Variants in CCDC7 observed in about 807,000 individuals in gnomAD.
CCDC7 encodes the protein coiled-coil domain containing 7, also known as coiled-coil domain-containing protein 7.
Under a neutral mutation model 196.9 loss-of-function variants are expected in CCDC7, and 183 were observed. That is an observed-to-expected ratio of 0.93 (90% CI 0.82 to 1.05). The LOEUF is 1.05. Among genes scored for constraint, CCDC7 ranks in the 50% least tolerant of loss-of-function variants. The pLI, the probability that CCDC7 is intolerant of heterozygous loss-of-function variation, is 0.00. For synonymous variants in CCDC7, 525 were observed against 484.6 expected (o/e 1.08, Z -1.10); for missense variants, 1,540 against 1,482.2 (o/e 1.04, Z -0.64).
chr10:32,757,343 T>C (rs1425672944), intron 28 of CCDC7, among the ~76,000 whole-genome samples: 1 of 152,136 alleles, frequency 6.6e-6, no homozygotes, highest in African/African-American at 2.4e-5. Context: ...ACTAACCACA[T>C]AGTTGGAAGC....
At chr10:32,762,285 G>A (rs1458692981) in intron 28 of CCDC7, among the ~76,000 whole-genome samples, 1 of 151,804 alleles carries the variant, frequency 6.6e-6, no homozygotes, top group African/African-American at 2.4e-5. Flanking sequence ...GGTTTTGAAT[G>A]AGTGTGCGAG....
chr10:32,755,712 G>T (rs2076324956), intron 28 of CCDC7, among the ~76,000 whole-genome samples: 1 of 152,118 alleles, frequency 6.6e-6, no homozygotes, highest in South Asian at 2.1e-4. Context: ...CCAAAGGAAT[G>T]CAGATCCTCG....
intron 32 of CCDC7, among the ~76,000 whole-genome samples, chr10:32,828,169 C>T (rs929041070): frequency 1.3e-5 from 2 of 152,090 alleles, no homozygotes; most frequent in African/African-American, 2.4e-5. Context: ...AACCTGGAAG[C>T]CCAAGCCCCT....
intron 8 of CCDC7, among the ~76,000 whole-genome samples, chr10:32,481,290 C>T (rs920454424): frequency 1.3e-5 from 2 of 152,194 alleles, no homozygotes; most frequent in African/African-American, 4.8e-5. Flanking sequence ...ATAATTTGAT[C>T]CATTTACTCT....
At chr10:32,582,985 T>TA (rs1411230175) in intron 16 of CCDC7, 49 bp from the exon 18 acceptor site, 2 of 1,124,304 alleles carry the variant, frequency 1.8e-6, no homozygotes. Flanking sequence ...CAGTTGCAAA[T>TA]AAAATGGTCT....
upstream of CCDC7, among the ~76,000 whole-genome samples, chr10:32,445,427 C>T (rs79129938): frequency 5.8e-3 from 876 of 152,254 alleles, 14 homozygotes; most frequent in African/African-American, 0.02. Flanking sequence ...AATCTAAGGT[C>T]TCCTTTAAAC....
Position 32,761,883 on chromosome 10 carries a change from G to A in CCDC7, c.2906-17094G>A, listed in dbSNP as rs1014158070. ...TTTGGAAGCAGAATTTGTAGAGACTGATGTCAGCAACATGGTGGAATAGGA... is the reference window on the plus strand; with the variant it reads ...TTTGGAAGCAGAATTTGTAGAGACTAATGTCAGCAACATGGTGGAATAGGA... On this transcript the variant is annotated intron_variant, in intron 28 of 41. Transcript: ENST00000639629. Among the ~76,000 whole-genome samples, 5 of 151,954 alleles carry A rather than the reference G, an allele frequency of 3.3e-5. No homozygotes were observed. In the East Asian group the frequency reaches 9.6e-4, roughly 29 times the overall value.
intron 28 of CCDC7, among the ~76,000 whole-genome samples, chr10:32,744,827 T>A (rs1033721846): frequency 1.3e-5 from 2 of 152,222 alleles, no homozygotes; most frequent in Admixed American, 6.5e-5. Context: ...TTTAATTAAG[T>A]CCAGCTTATC....
At chr10:32,543,794 G>A (rs893952790) in intron 12 of CCDC7, among the ~76,000 whole-genome samples, 1 of 151,820 alleles carries the variant, frequency 6.6e-6, no homozygotes, top group African/African-American at 2.4e-5. Context: ...TTTTGTGTAT[G>A]TGTATTATTA....
intron 24 of CCDC7, among the ~76,000 whole-genome samples, chr10:32,702,300 G>A (rs1591774316): frequency 6.6e-6 from 1 of 152,106 alleles, no homozygotes; most frequent in Non-Finnish European, 1.5e-5. Context: ...TCAGGAGTGG[G>A]TTGTTCAGTT....
chr10:32,811,248 A>G (rs887206199), intron 30 of CCDC7, among the ~76,000 whole-genome samples: 1 of 152,068 alleles, frequency 6.6e-6, no homozygotes, highest in Non-Finnish European at 1.5e-5. Context: ...AAATTAATAA[A>G]CCACTAGGTA....
chr10:32,764,354 CAG>C (rs2077933815), intron 28 of CCDC7, among the ~76,000 whole-genome samples: 1 of 151,638 alleles, frequency 6.6e-6, no homozygotes, highest in South Asian at 2.1e-4. Context: ...AGACAGAAAT[CAG>C]GGGAATATGT....
At chr10:32,547,167 A>AC (rs1456825457) in intron 13 of CCDC7, among the ~76,000 whole-genome samples, 1 of 151,934 alleles carries the variant, frequency 6.6e-6, no homozygotes, top group Non-Finnish European at 1.5e-5. Context: ...ACAGGCATGC[A>AC]CCATCACACC....
chr10:32,708,343 T>C (rs1487414111), intron 24 of CCDC7, among the ~76,000 whole-genome samples: 2 of 152,178 alleles, frequency 1.3e-5, no homozygotes, highest in African/African-American at 2.4e-5. Context: ...AAGACTTAAA[T>C]GTTAGACCTA....
chr10:32,666,746 G>A (rs2072843605), intron 21 of CCDC7, among the ~76,000 whole-genome samples: 2 of 152,064 alleles, frequency 1.3e-5, no homozygotes, highest in Admixed American at 6.5e-5. Context: ...TGGTGTATAT[G>A]TGCCACATTT....
At chr10:32,825,291 G>C (rs926435150) in intron 32 of CCDC7, among the ~76,000 whole-genome samples, 9 of 152,206 alleles carry the variant, frequency 5.9e-5, no homozygotes, top group East Asian at 1.9e-4. Context: ...GTGTCTGTGA[G>C]AGTGTTGCCA....
intron 31 of CCDC7, among the ~76,000 whole-genome samples, chr10:32,821,573 C>A (rs1276275594): frequency 6.6e-6 from 1 of 152,128 alleles, no homozygotes; most frequent in Non-Finnish European, 1.5e-5. Flanking sequence ...AAATGTCCAA[C>A]AATGATAGAC....
chr10:32,459,042 T>A (rs2035008267), intron 3 of CCDC7, among the ~76,000 whole-genome samples: 1 of 152,198 alleles, frequency 6.6e-6, no homozygotes, highest in African/African-American at 2.4e-5. Context: ...ATCTTATATA[T>A]TATTTTGTAG....
At chr10:32,709,197 C>A (rs143603478) in intron 24 of CCDC7, among the ~76,000 whole-genome samples, 2,658 of 151,750 alleles carry the variant, frequency 0.018, 84 homozygotes, top group African/African-American at 0.061. Context: ...TGGAAACCAT[C>A]ATTCTCAGCA....
Sources: gnomAD v4.1 joint callset for allele counts (sites outside exome capture counted in the v4.1 genomes callset) on GRCh38, gnomAD v4.1.1 for gene constraint, MANE v1.5 for transcripts, NCBI Gene and HGNC (gene_info 2026-07-23, HGNC 2026-07-21) for gene names.